The following IQSEC1 variants were observed in gnomAD, a reference collection of about 807,000 sequenced individuals.
IQSEC1 encodes IQ motif and SEC7 domain-containing protein 1.
Under a neutral mutation model 91.0 loss-of-function variants are expected in IQSEC1, and 31 were observed. The observed-to-expected ratio is 0.34, with a 90% CI of 0.26 to 0.46. IQSEC1 has a LOEUF of 0.46. Among genes scored for constraint, IQSEC1 ranks in the 20% least tolerant of loss-of-function variants. IQSEC1 has a pLI of 1.00. For missense variants in IQSEC1, 1,388 were observed against 1,575.6 expected (o/e 0.88, Z 2.02); for synonymous variants, 699 against 662.6 (o/e 1.05, Z -0.84).
rs562047345 is a variant in IQSEC1, at chr3:13,212,583, C to A, written c.273-48450G>T. Reference sequence around the variant, plus strand: ...AACACATGTCTAACTGCTCAAGGTGCTGCCGGACTGTCTTCCAAAGCAGTT... The same window carrying A: ...AACACATGTCTAACTGCTCAAGGTGATGCCGGACTGTCTTCCAAAGCAGTT... On this transcript the variant is annotated intron_variant, in intron 1 of 15. Transcript: ENST00000648114. Among the ~76,000 whole-genome samples the A allele has an allele frequency of 4.1e-4, 62 of 152,342 alleles. 1 individual carries two copies. The Middle Eastern group carries it at 0.017, about 42-fold the overall frequency.
intron 1 of IQSEC1, among the ~76,000 whole-genome samples, chr3:13,174,212 T>C (rs733545): frequency 0.5 from 76,533 of 151,926 alleles, 19,804 homozygotes; most frequent in Non-Finnish European, 0.56. Context: ...GGGGGCTGTG[T>C]GGCAACCAGA....
At chr3:13,185,099 A>C (rs551576718) in intron 1 of IQSEC1, among the ~76,000 whole-genome samples, 2 of 152,292 alleles carry the variant, frequency 1.3e-5, no homozygotes, top group East Asian at 3.9e-4. Flanking sequence ...ACCCACGCAG[A>C]CTGGGGCAGT....
chr3:12,952,686 G>A (rs1699634146), intron 1 of IQSEC1, among the ~76,000 whole-genome samples: 1 of 152,140 alleles, frequency 6.6e-6, no homozygotes, highest in African/African-American at 2.4e-5. Flanking sequence ...TGGCCTCCTG[G>A]CTGTTCCTCT....
intron 1 of IQSEC1, among the ~76,000 whole-genome samples, chr3:13,038,262 G>GTGTGTATATATATATATA (rs1491471643): frequency 9.9e-6 from 1 of 101,236 alleles, no homozygotes; most frequent in Non-Finnish European, 1.9e-5. Context: ...GTGTGTGTGT[G>GTGTGTATATATATATATA]TATATATATA....
At chr3:12,920,960 G>C (rs993155441) in intron 5 of IQSEC1, among the ~76,000 whole-genome samples, 2 of 152,188 alleles carry the variant, frequency 1.3e-5, no homozygotes, top group Non-Finnish European at 2.9e-5. Context: ...ATCACAGTGG[G>C]TGTCAGGCCT....
Position 13,067,579 on chromosome 3 carries a change from C to T in IQSEC1, c.23+5413G>A, listed in dbSNP as rs962802551. ...TTGCGGCCAAGAGATCTGGAACCTG[C>T]TCAGGGTAAGGCGTCAGGTCCCCCA... On this transcript the variant is annotated intron_variant, in intron 1 of 13. Coordinates refer to ENST00000613206, the MANE Select transcript of IQSEC1 (RefSeq NM_001134382.3). Among the ~76,000 whole-genome samples, 3 of 152,358 alleles carry T rather than the reference C, an allele frequency of 2.0e-5. No individual in the cohort carries two copies. The South Asian group carries it at 6.2e-4, about 32-fold the overall frequency.
chr3:12,981,334 G>A (rs1701445101), intron 1 of IQSEC1, among the ~76,000 whole-genome samples: 1 of 152,242 alleles, frequency 6.6e-6, no homozygotes, highest in Non-Finnish European at 1.5e-5. Flanking sequence ...GTCAGACTGT[G>A]TGTATGGCAT....
chr3:13,180,470 C>T (rs1395291029), intron 1 of IQSEC1, among the ~76,000 whole-genome samples: 1 of 152,146 alleles, frequency 6.6e-6, no homozygotes. Context: ...TCAAAACAGT[C>T]CACTCGGCTC....
rs1009217255 is a variant in IQSEC1, at chr3:13,214,017, G to C, written c.273-49884C>G. Among the ~76,000 whole-genome samples the C allele has an allele frequency of 1.3e-5, 2 of 152,008 alleles. No homozygotes were observed. Among genetic ancestry groups the C allele is most frequent in the Non-Finnish European group, 2.9e-5 (2 of 67,986 alleles). On this transcript the variant is annotated intron_variant, in intron 1 of 15. Coordinates refer to the IQSEC1 transcript ENST00000648114. This position sits in a 1 kb window ranked among gnomAD's most constrained non-coding sequence, Gnocchi z 4.5. ...ATCGCTCTCCCCCGGGCTCTTCCTGGTCCCTCCCCGCCACCCGGCTCCTTC... is the reference window on the plus strand; with the variant it reads ...ATCGCTCTCCCCCGGGCTCTTCCTGCTCCCTCCCCGCCACCCGGCTCCTTC...
chr3:12,995,309 G>A (rs997324007), intron 1 of IQSEC1, among the ~76,000 whole-genome samples: 1 of 152,266 alleles, frequency 6.6e-6, no homozygotes, highest in African/African-American at 2.4e-5. Context: ...GGACTTCTGG[G>A]AGGAAAGGAC....
chr3:13,153,514 A>T (rs1336133096), intron 2 of IQSEC1, among the ~76,000 whole-genome samples: 1 of 152,122 alleles, frequency 6.6e-6, no homozygotes, highest in Non-Finnish European at 1.5e-5. Context: ...CCTGCCACCA[A>T]GGGGGCTGCT....
rs764890738 is a variant in IQSEC1, at chr3:12,924,689, G to A, written c.1622C>T (p.Thr541Met). 1.2e-5 allele frequency: 19 copies of A among 1,608,428 alleles called. No individual in the cohort carries two copies. Among genetic ancestry groups the A allele is most frequent in the Middle Eastern group, 1.6e-4 (1 of 6,070 alleles). ...YLIERGFVPD[T>M]PVGVAHFLLQ... ...CAGGAAGTGGGCCACCCCGACGGGC[G>A]TGTCGGGCACAAAGCCACGCTCGAT... Residue 541 changes from threonine (T) to methionine (M), a missense_variant, in exon 4 of 14, where the codon ACG becomes ATG. By Grantham distance (81) the Thr-to-Met change is moderately conservative (BLOSUM62 -1). Transcript: ENST00000613206. This position sits in a 1 kb window ranked among gnomAD's most constrained non-coding sequence, Gnocchi z 6.3.
At chr3:12,932,337 G>T (rs901912639) in intron 3 of IQSEC1, among the ~76,000 whole-genome samples, 3 of 152,186 alleles carry the variant, frequency 2.0e-5, no homozygotes, top group African/African-American at 7.2e-5. Context: ...GGAGCCCAGG[G>T]ATACCTGTGG....
At chr3:13,014,587 C>T (rs1373892393) in intron 1 of IQSEC1, among the ~76,000 whole-genome samples, 3 of 152,198 alleles carry the variant, frequency 2.0e-5, no homozygotes, top group Non-Finnish European at 4.4e-5. Flanking sequence ...ATCTGTCTTG[C>T]CTGCCCCCAA....
At chr3:13,019,287 C>T (rs1018734064) in intron 1 of IQSEC1, among the ~76,000 whole-genome samples, 2 of 152,236 alleles carry the variant, frequency 1.3e-5, no homozygotes, top group Non-Finnish European at 2.9e-5. Context: ...TGACTGCGGT[C>T]GCCAAACCCC....
intron 1 of IQSEC1, among the ~76,000 whole-genome samples, chr3:13,227,406 A>AAAAAAAAAAAAAAAAAAAAAAG (rs1694775179): frequency 6.9e-6 from 1 of 145,622 alleles, no homozygotes; most frequent in African/African-American, 2.7e-5. Context: ...AGAAAGAAAG[A>AAAAAAAAAAAAAAAAAAAAAAG]AAAGAAAACG....
intron 2 of IQSEC1, among the ~76,000 whole-genome samples, chr3:13,108,835 CAGA>C (rs1292166189): frequency 6.6e-6 from 1 of 152,242 alleles, no homozygotes; most frequent in Non-Finnish European, 1.5e-5. Context: ...ACAAATAAAA[CAGA>C]AGCCTGTGGA....
chr3:13,261,153 C>T (rs1209875484), intron 1 of IQSEC1, among the ~76,000 whole-genome samples: 2 of 152,356 alleles, frequency 1.3e-5, no homozygotes, highest in East Asian at 1.9e-4. Context: ...CGCCCAGGCG[C>T]CCTCCAGGAC....
Position 12,943,831 on chromosome 3 carries a change from C to T in IQSEC1, c.24-1966G>A, listed in dbSNP as rs143457292. 9.1e-3 allele frequency among the ~76,000 whole-genome samples: 1,391 copies of T among 152,368 alleles called. 11 individuals carry two copies. The highest frequency in any genetic ancestry group is 0.014 in the Non-Finnish European group (984 of 68,036). On this transcript the variant is annotated intron_variant, in intron 1 of 13. Coordinates refer to ENST00000613206, the MANE Select transcript of IQSEC1 (RefSeq NM_001134382.3). ...CAGTGGCCCAGGTGGTAGGGAGTGA[C>T]GGCCCTTTGCTGCCAATTCTGCCCT... is the stretch of plus-strand genomic sequence containing the variant.
Sources: allele counts gnomAD v4.1 joint callset (sites outside exome capture counted in the v4.1 genomes callset), GRCh38; gene constraint gnomAD v4.1.1; non-coding constraint Gnocchi (gnomAD v3.1); transcripts MANE v1.5; gene names NCBI Gene and HGNC (gene_info 2026-07-23, HGNC 2026-07-21).